The following NECTIN3 variants were observed in gnomAD, a reference collection of about 807,000 sequenced individuals.
NECTIN3 encodes nectin cell adhesion molecule 3, also known as nectin-3.
In NECTIN3, 8 loss-of-function variants were observed where a neutral mutation model predicts 49.4. The observed-to-expected ratio is 0.16, with a 90% confidence interval of 0.10 to 0.29. NECTIN3 has a LOEUF of 0.29. NECTIN3 is among the 10% of genes least tolerant of loss of function. The pLI is 1.00. For synonymous variants in NECTIN3, 277 were observed against 241.1 expected (o/e 1.15, Z -1.38); for missense variants, 581 against 654.6 (o/e 0.89, Z 1.23).
chr3:111,183,667 A>C (rs926497228), intron 7 of NECTIN3, among the ~76,000 whole-genome samples: 3 of 151,632 alleles, frequency 2.0e-5, no homozygotes, highest in Admixed American at 6.6e-5. Flanking sequence ...TTCATTTAGC[A>C]CTTTAAAATT....
intron 5 of NECTIN3, among the ~76,000 whole-genome samples, chr3:111,144,089 T>A (rs1159207467): frequency 1.3e-5 from 2 of 152,098 alleles, no homozygotes; most frequent in South Asian, 4.1e-4. Context: ...TATGTAGTAC[T>A]TGTAATAGTT....
chr3:111,136,135 C>G lies in NECTIN3; in HGVS notation c.*1920C>G, dbSNP rs770503983. On this transcript the variant is annotated 3_prime_UTR_variant, in exon 6 of 6. Transcript: ENST00000485303. ...ATTTCTCCCCATGAAAGATGTAAAA[C>G]TATGGCTTTTTTTAAAATCAAAATT... The G allele has an allele frequency of 3.4e-4, 334 of 983,644 alleles. No homozygotes were observed. Among genetic ancestry groups the G allele is most frequent in the Non-Finnish European group, 3.8e-4 (319 of 828,572 alleles). 60.9% of individuals were successfully genotyped at this position (983,644 alleles called of 1,614,324 possible).
intron 7 of NECTIN3, among the ~76,000 whole-genome samples, chr3:111,166,919 AGGTAG>A: frequency 6.6e-6 from 1 of 152,346 alleles, no homozygotes; most frequent in African/African-American, 2.4e-5. Context: ...AAAGATAGGT[AGGTAG>A]GTAGGTAGGT....
chr3:111,171,528 C>T (rs2035432547), intron 7 of NECTIN3, among the ~76,000 whole-genome samples: 1 of 152,164 alleles, frequency 6.6e-6, no homozygotes, highest in African/African-American at 2.4e-5. Context: ...ATTCCACAGC[C>T]TCTGGGATTG....
At chr3:111,168,548 A>G (rs937385930) in intron 7 of NECTIN3, among the ~76,000 whole-genome samples, 4 of 152,116 alleles carry the variant, frequency 2.6e-5, no homozygotes, top group Non-Finnish European at 5.9e-5. Context: ...TTTTTTTGTC[A>G]GCACTGCCCT....
rs547273862 is a variant in NECTIN3 at position 111,161,419 on chromosome 3, G to T, written c.1221+13935G>T. ...TCCCCTCATGAATATATTTCACACA[G>T]AATTGGTAAAGGGAAGGTTCTCAAG... On this transcript the variant is annotated intron_variant, in intron 7 of 8. Transcript: ENST00000493615. Among the ~76,000 whole-genome samples the T allele has an allele frequency of 2.0e-5, 3 of 152,130 alleles. No homozygotes were observed. In the South Asian group the frequency reaches 6.2e-4, roughly 32 times the overall value.
chr3:111,184,817 C>A (rs950555089), intron 7 of NECTIN3, among the ~76,000 whole-genome samples: 1 of 144,316 alleles, frequency 6.9e-6, no homozygotes, highest in African/African-American at 2.8e-5. Context: ...TCAAGATCAA[C>A]CTGATCTTCT....
At chr3:111,138,117 T>C (rs1156405838), downstream of NECTIN3, among the ~76,000 whole-genome samples, 1 of 151,704 alleles carries the variant, frequency 6.6e-6, no homozygotes, top group East Asian at 1.9e-4. Context: ...ATTTCTTAAG[T>C]TGACATTTAG....
intron 5 of NECTIN3, among the ~76,000 whole-genome samples, chr3:111,143,344 A>C (rs1425675161): frequency 6.6e-6 from 1 of 151,932 alleles, no homozygotes; most frequent in Non-Finnish European, 1.5e-5. Flanking sequence ...TATTCATTGG[A>C]AACGTTATTG....
At chr3:111,180,145 C>T (rs1349699090) in intron 7 of NECTIN3, among the ~76,000 whole-genome samples, 1 of 152,126 alleles carries the variant, frequency 6.6e-6, no homozygotes, top group Non-Finnish European at 1.5e-5. Context: ...TTATAAAACT[C>T]ATATATAAGA....
At chr3:111,122,512 A>G (rs1158626383) in intron 4 of NECTIN3, among the ~76,000 whole-genome samples, 2 of 152,198 alleles carry the variant, frequency 1.3e-5, no homozygotes, top group African/African-American at 2.4e-5. Flanking sequence ...AACATTGTCA[A>G]TTGACTTCTT....
At chr3:111,116,223 A>C (rs1382299226) in intron 2 of NECTIN3, among the ~76,000 whole-genome samples, 1 of 152,050 alleles carries the variant, frequency 6.6e-6, no homozygotes, top group Non-Finnish European at 1.5e-5. Flanking sequence ...TATAAGAAGA[A>C]CTCAGGCAGA....
At chr3:111,186,330 C>T (rs1183351877) in intron 7 of NECTIN3, among the ~76,000 whole-genome samples, 1 of 152,020 alleles carries the variant, frequency 6.6e-6, no homozygotes, top group African/African-American at 2.4e-5. Flanking sequence ...CTACAGTAAC[C>T]AAAACAGCAT....
At position 111,136,065 on chromosome 3, in the gene NECTIN3, T is replaced by G; in HGVS notation, c.*1850T>G. On this transcript the variant is annotated 3_prime_UTR_variant, in exon 6 of 6. Coordinates refer to ENST00000485303, the MANE Select transcript of NECTIN3 (RefSeq NM_015480.3). Reference sequence around the variant, plus strand: ...AACACTGTGATTGATGTGACTTTATTTTTAATTTAAACGATGAGGTGGCCA... The same window carrying G: ...AACACTGTGATTGATGTGACTTTATGTTTAATTTAAACGATGAGGTGGCCA... 2.0e-6 allele frequency: 2 copies of G among 982,418 alleles called. No homozygotes were observed. Among genetic ancestry groups the G allele is most frequent in the African/African-American group, 3.5e-5 (2 of 57,124 alleles). The allele number at this position is 982,418 out of a possible 1,614,324, so 60.9% of individuals were successfully genotyped here.
chr3:111,119,037 C>G (rs889584255), intron 3 of NECTIN3, 85 bp downstream of exon 3: 1 of 1,183,262 alleles, frequency 8.5e-7, no homozygotes, highest in African/African-American at 1.6e-5. Flanking sequence ...AATAGCTTTT[C>G]CTTGTTTTTG....
intron 1 of NECTIN3, among the ~76,000 whole-genome samples, chr3:111,081,603 T>C (rs1490986478): frequency 1.3e-5 from 2 of 152,198 alleles, no homozygotes; most frequent in East Asian, 3.9e-4. Flanking sequence ...TGACTTGTCT[T>C]ATGTGAGAAA....
At chr3:111,144,336 G>T (rs1192304220) in intron 5 of NECTIN3, among the ~76,000 whole-genome samples, 1 of 151,852 alleles carries the variant, frequency 6.6e-6, no homozygotes, top group Non-Finnish European at 1.5e-5. Context: ...TATTAAATGT[G>T]CATGAATTAA....
intron 4 of NECTIN3, among the ~76,000 whole-genome samples, chr3:111,122,956 TTATTG>T (rs1355220677): frequency 1.3e-5 from 2 of 152,048 alleles, no homozygotes; most frequent in Non-Finnish European, 2.9e-5. Context: ...GAACTCCTGT[TTATTG>T]TATAATAAAT....
chr3:111,135,438 T>C lies in NECTIN3; in HGVS notation c.*1223T>C. ...ACATATATTCCTTCTGAATCATTTA[T>C]CTTTTGAGAAAGAAATGTTACCTAA... On this transcript the variant is annotated 3_prime_UTR_variant, in exon 6 of 6. Transcript: ENST00000485303. 8.6e-6 allele frequency: 8 copies of C among 933,976 alleles called. No individual in the cohort carries two copies. The highest frequency in any genetic ancestry group is 1.0e-5 in the Non-Finnish European group (8 of 783,382). The allele number at this position is 933,976 out of a possible 1,614,324, so 57.9% of individuals were successfully genotyped here. A position where few individuals can be genotyped will look rare whatever the true frequency, so the allele number is the denominator to read the frequency against.
Sources: allele counts gnomAD v4.1 joint callset (sites outside exome capture counted in the v4.1 genomes callset), GRCh38; gene constraint gnomAD v4.1.1; transcripts MANE v1.5; gene names NCBI Gene and HGNC (gene_info 2026-07-23, HGNC 2026-07-21).